The following DUSP22 variants were observed in gnomAD, a reference collection of about 807,000 sequenced individuals.
DUSP22 encodes dual specificity protein phosphatase 22.
In DUSP22, 24 loss-of-function variants were observed where a neutral mutation model predicts 24.5. That is an observed-to-expected ratio of 0.98 (90% CI 0.71 to 1.38). The LOEUF is 1.38. DUSP22 is among the 40% of genes most tolerant of loss of function. DUSP22 has a pLI of 0.00. For synonymous variants in DUSP22, 160 were observed against 106.4 expected (o/e 1.50, Z -3.10); for missense variants, 330 against 269.2 (o/e 1.23, Z -1.58).
At chr6:293,766 T>C (rs1757200338) in intron 1 of DUSP22, among the ~76,000 whole-genome samples, 2 of 151,584 alleles carry the variant, frequency 1.3e-5, no homozygotes, top group Non-Finnish European at 2.9e-5. Flanking sequence ...ATATCAATAC[T>C]GGGGTATTTT....
intron 1 of DUSP22, among the ~76,000 whole-genome samples, chr6:298,044 G>C (rs1757421774): frequency 6.6e-6 from 1 of 152,306 alleles, no homozygotes; most frequent in South Asian, 2.1e-4. Context: ...TGAACACTCA[G>C]CCACTGCTGC....
At position 350,470 on chromosome 6, in the gene DUSP22, C is replaced by A. The variant is rs1760143205; in HGVS notation, c.*1519C>A. 1 of 1,162,158 alleles carries A rather than the reference C, an allele frequency of 8.6e-7. No individual in the cohort carries two copies. The highest frequency in any genetic ancestry group is 1.1e-6 in the Non-Finnish European group (1 of 938,994). 72.0% of individuals were successfully genotyped at this position (1,162,158 alleles called of 1,614,324 possible). A position where few individuals can be genotyped will look rare whatever the true frequency, so the allele number is the denominator to read the frequency against. Reference sequence around the variant, plus strand: ...CTCTGAATTCCACCACAAAAAGAGACCCTGAATAAGAAGAGCAGTTTTCCT... The same window carrying A: ...CTCTGAATTCCACCACAAAAAGAGAACCTGAATAAGAAGAGCAGTTTTCCT... On this transcript the variant is annotated 3_prime_UTR_variant, in exon 7 of 7. Transcript: ENST00000419235.
chr6:347,983 A>G, intron 5 of DUSP22, 120 bp from the exon 6 acceptor site: 1 of 1,451,974 alleles, frequency 6.9e-7, no homozygotes, highest in East Asian at 2.3e-5. Context: ...GTCCACATAT[A>G]ATCCAAGGCA....
chr6:317,003 G>A (rs1351534182), intron 3 of DUSP22, among the ~76,000 whole-genome samples: 2 of 152,310 alleles, frequency 1.3e-5, no homozygotes, highest in South Asian at 2.1e-4. Context: ...AGAATGGGAT[G>A]TTTTCATATG....
intron 4 of DUSP22, among the ~76,000 whole-genome samples, chr6:344,062 T>C (rs1759744964): frequency 6.6e-6 from 1 of 152,304 alleles, no homozygotes; most frequent in African/African-American, 2.4e-5. Context: ...CAGAATGAGG[T>C]CTGAGTGGCA....
At chr6:328,651 A>C (rs1430227870) in intron 3 of DUSP22, among the ~76,000 whole-genome samples, 2 of 152,300 alleles carry the variant, frequency 1.3e-5, no homozygotes, top group African/African-American at 2.4e-5. Flanking sequence ...TCCTAAATTT[A>C]GCTGATGCAG....
intron 1 of DUSP22, among the ~76,000 whole-genome samples, chr6:295,749 G>A (rs1023834672): frequency 3.3e-5 from 5 of 151,144 alleles, no homozygotes; most frequent in African/African-American, 4.9e-5. Context: ...GGAGCGAGTC[G>A]TGATTGTGCC....
Position 349,943 on chromosome 6 carries a change from C to G in DUSP22, c.*992C>G, listed in dbSNP as rs941316443. On this transcript the variant is annotated 3_prime_UTR_variant, in exon 7 of 7. Transcript: ENST00000419235. Reference sequence around the variant, plus strand: ...CCAGCCTCTCGCTGTCCTCACTTTGCAGGGGCTCCTCCTCAACATTTGCAT... The same window carrying G: ...CCAGCCTCTCGCTGTCCTCACTTTGGAGGGGCTCCTCCTCAACATTTGCAT... 3.0e-6 allele frequency: 3 copies of G among 985,838 alleles called. No homozygotes were observed. The highest frequency in any genetic ancestry group is 3.6e-6 in the Non-Finnish European group (3 of 830,108). 61.1% of individuals were successfully genotyped at this position (985,838 alleles called of 1,614,324 possible).
chr6:314,250 C>T (rs578035740), intron 3 of DUSP22, among the ~76,000 whole-genome samples: 1 of 152,278 alleles, frequency 6.6e-6, no homozygotes, highest in Admixed American at 6.5e-5. Flanking sequence ...TCATTTATTT[C>T]CCGAGATCTT....
chr6:314,858 T>C (rs1358495869), intron 3 of DUSP22, among the ~76,000 whole-genome samples: 2 of 152,304 alleles, frequency 1.3e-5, no homozygotes, highest in Non-Finnish European at 1.5e-5. Flanking sequence ...TGGTTGCTTT[T>C]GGTTGGATTA....
intron 3 of DUSP22, among the ~76,000 whole-genome samples, chr6:322,642 G>A (rs1377382286): frequency 2.0e-5 from 3 of 152,300 alleles, no homozygotes; most frequent in Non-Finnish European, 4.4e-5. Context: ...ACAGGCTTAG[G>A]TTGGTAGAAA....
intron 3 of DUSP22, among the ~76,000 whole-genome samples, chr6:334,706 AG>A: frequency 6.6e-6 from 1 of 152,306 alleles, no homozygotes. Context: ...ACTCTTGTTA[AG>A]GTTTTTACTT....
intron 4 of DUSP22, among the ~76,000 whole-genome samples, chr6:340,870 C>T (rs1219730693): frequency 3.3e-5 from 5 of 152,306 alleles, no homozygotes; most frequent in South Asian, 2.1e-4. Context: ...TCTTGCAGTC[C>T]TGGAGTGAGA....
chr6:341,092 T>C (rs1023993904), intron 4 of DUSP22, among the ~76,000 whole-genome samples: 24 of 152,414 alleles, frequency 1.6e-4, no homozygotes, highest in Non-Finnish European at 1.5e-4. Flanking sequence ...GCGAGTCCCC[T>C]CTCCCTGGAG....
At chr6:345,782 AG>A in intron 4 of DUSP22, 71 bp from the exon 5 acceptor site, 1 of 1,546,210 alleles carries the variant, frequency 6.5e-7, no homozygotes, top group Non-Finnish European at 8.8e-7. Flanking sequence ...AAGAAGCCTC[AG>A]GTAGAATTTT....
intron 4 of DUSP22, among the ~76,000 whole-genome samples, chr6:345,551 C>G (rs1369540122): frequency 1.3e-5 from 2 of 152,416 alleles, no homozygotes; most frequent in East Asian, 3.8e-4. Context: ...TTGATTATAG[C>G]AAATAATAAT....
At chr6:348,746 G>A (rs760260711) in intron 6 of DUSP22, 23 bp from the exon 7 acceptor site, 27 of 1,613,930 alleles carry the variant, frequency 1.7e-5, no homozygotes, top group Middle Eastern at 1.7e-4. Flanking sequence ...GTGACGTTTC[G>A]GGTTTGTTTC....
At position 351,167 on chromosome 6, in the gene DUSP22, C is replaced by T; in HGVS notation, c.*2216C>T. On this transcript the variant is annotated 3_prime_UTR_variant, in exon 7 of 7. Transcript: ENST00000419235. ...GGTGGCTTGGCGCTCGTGATTGCTT[C>T]CTGTGAACGCCTCCCAAGGACGAGC... 2.2e-6 allele frequency: 1 copy of T among 457,540 alleles called. No homozygotes were observed. The highest frequency in any genetic ancestry group is 3.9e-6 in the Non-Finnish European group (1 of 254,778). The allele number at this position is 457,540 out of a possible 1,614,324, so 28.3% of individuals were successfully genotyped here. A position where few individuals can be genotyped will look rare whatever the true frequency, so the allele number is the denominator to read the frequency against.
intron 3 of DUSP22, among the ~76,000 whole-genome samples, chr6:318,910 G>A (rs1480947887): frequency 1.3e-5 from 2 of 152,302 alleles, no homozygotes; most frequent in Non-Finnish European, 2.9e-5. Context: ...ACAGGGTTAA[G>A]TCCACTGTTA....
Sources: gnomAD v4.1 joint callset for allele counts (sites outside exome capture counted in the v4.1 genomes callset) on GRCh38, gnomAD v4.1.1 for gene constraint, MANE v1.5 for transcripts, NCBI Gene and HGNC (gene_info 2026-07-23, HGNC 2026-07-21) for gene names.